ARHGEF37: variants seen among roughly 807,000 people sequenced by gnomAD.
ARHGEF37 encodes Rho guanine nucleotide exchange factor (GEF) 37.
Under a neutral mutation model 71.1 loss-of-function variants are expected in ARHGEF37, and 55 were observed. The observed-to-expected ratio is 0.77, with a 90% confidence interval of 0.62 to 0.97. ARHGEF37 has a LOEUF of 0.97. Among genes scored for constraint, ARHGEF37 ranks in the 50% least tolerant of loss-of-function variants. The probability of loss-of-function intolerance (pLI) is 0.00; values close to 1 mark genes in which losing one functional copy is unlikely to be tolerated. For synonymous variants in ARHGEF37, 327 were observed against 350.6 expected, an observed-to-expected ratio of 0.93 and a Z score of 0.75; for missense variants, 765 against 836.8, an observed-to-expected ratio of 0.91 and a Z score of 1.06.
At chr5:149,626,977 G>T in intron 10 of ARHGEF37, 99 bp from the exon 11 acceptor site, 2 of 1,313,648 alleles carry the variant, frequency 1.5e-6, no homozygotes, top group East Asian at 2.3e-5. Context: ...TTAGGATCAG[G>T]CCCAGTACTC....
chr5:149,628,765 G>T, intron 11 of ARHGEF37, 44 bp from the exon 12 acceptor site: 1 of 1,575,670 alleles, frequency 6.3e-7, no homozygotes, highest in South Asian at 1.2e-5. Context: ...TAAAAGGGAC[G>T]GGAAGGTGGC....
chr5:149,594,941 A>G (rs745688493), intron 1 of ARHGEF37, among the ~76,000 whole-genome samples: 3 of 152,216 alleles, frequency 2.0e-5, no homozygotes, highest in Non-Finnish European at 4.4e-5. Flanking sequence ...TCTCCAGGGA[A>G]TTATGCTGAT....
chr5:149,624,864 T>C (rs1244613029), intron 10 of ARHGEF37, among the ~76,000 whole-genome samples: 2 of 152,022 alleles, frequency 1.3e-5, no homozygotes, highest in African/African-American at 4.8e-5. Flanking sequence ...AGCTGCATGA[T>C]GGTTTACAAA....
chr5:149,595,640 G>A (rs112865436), intron 1 of ARHGEF37, among the ~76,000 whole-genome samples: 1 of 152,234 alleles, frequency 6.6e-6, no homozygotes, highest in African/African-American at 2.4e-5. Flanking sequence ...CTCACTCACA[G>A]GGGCATTCTT....
chr5:149,632,090 T>G lies in ARHGEF37; in HGVS notation c.1927T>G (p.Trp643Gly). 5 of 1,614,166 alleles carry G rather than the reference T, an allele frequency of 3.1e-6. No individual in the cohort carries two copies. Among genetic ancestry groups the G allele is most frequent in the Non-Finnish European group, 4.2e-6 (5 of 1,180,030 alleles). The change falls in exon 13 of 13, where the codon TGG (tryptophan) becomes GGG (glycine). Residue 643 changes from tryptophan to glycine, a missense_variant. Physicochemically the swap from Trp to Gly is radical, Grantham distance 184. Coordinates refer to ENST00000333677, the MANE Select transcript of ARHGEF37 (RefSeq NM_001001669.3). ...EAQDKKGNPE[W>G]SLVEVNGQRG... The stretch of plus-strand genomic sequence containing the variant: ...CCAGGACAAGAAGGGGAACCCTGAG[T>G]GGAGCCTGGTGGAAGTGAATGGACA...
intron 1 of ARHGEF37, among the ~76,000 whole-genome samples, chr5:149,556,457 G>C (rs533284399): frequency 6.6e-6 from 1 of 151,800 alleles, no homozygotes; most frequent in Non-Finnish European, 1.5e-5. Flanking sequence ...GTGCAATTTT[G>C]CCTCACTGCA....
At chr5:149,560,326 C>T (rs1762812652) in intron 1 of ARHGEF37, among the ~76,000 whole-genome samples, 1 of 152,124 alleles carries the variant, frequency 6.6e-6, no homozygotes, top group African/African-American at 2.4e-5. Flanking sequence ...GATGGTCAGG[C>T]TGGTCTCGAA....
chr5:149,616,144 G>A (rs765803126), intron 4 of ARHGEF37, among the ~76,000 whole-genome samples: 3 of 152,124 alleles, frequency 2.0e-5, no homozygotes, highest in Admixed American at 6.6e-5. Context: ...TGGAGAGAGA[G>A]GGAGGAGAGG....
intron 9 of ARHGEF37, 70 bp downstream of exon 9, chr5:149,622,132 T>A: frequency 6.9e-7 from 1 of 1,446,458 alleles, no homozygotes; most frequent in Non-Finnish European, 9.3e-7. Context: ...ATCAGCCAGC[T>A]GTGTGTAGGG....
intron 4 of ARHGEF37, 70 bp downstream of exon 4, chr5:149,609,765 C>T: frequency 1.3e-6 from 2 of 1,591,368 alleles, no homozygotes; most frequent in Admixed American, 3.4e-5. Context: ...TATGGTCTCA[C>T]CCCTTTTTCA....
chr5:149,591,470 A>G (rs1451381759), intron 1 of ARHGEF37, among the ~76,000 whole-genome samples: 2 of 152,118 alleles, frequency 1.3e-5, no homozygotes, highest in Non-Finnish European at 2.9e-5. Context: ...TGCAGCCTTG[A>G]ACTCCTGGAC....
intron 1 of ARHGEF37, among the ~76,000 whole-genome samples, chr5:149,592,091 A>G (rs1428728864): frequency 6.6e-6 from 1 of 152,220 alleles, no homozygotes; most frequent in Admixed American, 6.5e-5. Context: ...ATGTTTCCCC[A>G]ATGGTTACAT....
chr5:149,617,951 C>G (rs1394747997), intron 5 of ARHGEF37, among the ~76,000 whole-genome samples: 2 of 152,162 alleles, frequency 1.3e-5, no homozygotes. Context: ...ACTGAGGCCC[C>G]AAGGAGTGGT....
At chr5:149,598,206 C>A (rs1358645520) in intron 2 of ARHGEF37, among the ~76,000 whole-genome samples, 1 of 151,790 alleles carries the variant, frequency 6.6e-6, no homozygotes, top group Non-Finnish European at 1.5e-5. Context: ...CACTGGGAGA[C>A]CTATGTGAGC....
chr5:149,571,893 G>A (rs1762969804), intron 1 of ARHGEF37, among the ~76,000 whole-genome samples: 1 of 124,282 alleles, frequency 8.0e-6, no homozygotes, highest in South Asian at 2.9e-4. Context: ...GTGACAGAGT[G>A]AGACCCTGTC....
chr5:149,600,475 A>G (rs1167779785), intron 2 of ARHGEF37, among the ~76,000 whole-genome samples: 2 of 152,100 alleles, frequency 1.3e-5, no homozygotes, highest in Non-Finnish European at 2.9e-5. Flanking sequence ...GTAGGTGCCA[A>G]GTATGTCAGA....
chr5:149,629,024 G>A, intron 12 of ARHGEF37, 58 bp downstream of exon 12: 4 of 1,548,952 alleles, frequency 2.6e-6, no homozygotes, highest in Admixed American at 1.9e-5. Flanking sequence ...ACTGTGGCTT[G>A]GATTTTCCTT....
chr5:149,574,069 GT>G (rs1763000204), intron 1 of ARHGEF37, among the ~76,000 whole-genome samples: 1 of 152,176 alleles, frequency 6.6e-6, no homozygotes, highest in African/African-American at 2.4e-5. Context: ...AGTGAAAATG[GT>G]TGTATCAACT....
In ARHGEF37 at chr5:149,565,418, C is replaced by T. The variant is rs567520270; in HGVS notation, c.-12+13295C>T. ...TGGCTTAATGAGTGACAGGCATAGG[C>T]AGCAGGGGACAAAGTCAAAATAATG... is the stretch of plus-strand genomic sequence containing the variant. On this transcript the variant is annotated intron_variant, in intron 1 of 2. Transcript: ENST00000505810. 4.4e-4 allele frequency among the ~76,000 whole-genome samples: 67 copies of T among 152,266 alleles called. 1 individual carries two copies. In the South Asian group the frequency reaches 8.5e-3, roughly 19 times the overall value.
Sources: allele counts gnomAD v4.1 joint callset (sites outside exome capture counted in the v4.1 genomes callset), GRCh38; gene constraint gnomAD v4.1.1; transcripts MANE v1.5; gene names NCBI Gene and HGNC (gene_info 2026-07-23, HGNC 2026-07-21).